MTERF4: variants seen among roughly 807,000 people sequenced by gnomAD.
MTERF4 encodes mitochondrial transcription termination factor 4.
A neutral mutation model predicts 22.5 loss-of-function variants in MTERF4; 17 were observed. The ratio of observed to expected loss-of-function variants is 0.75; its 90% CI spans 0.52 to 1.13. The LOEUF (loss-of-function observed/expected upper bound fraction) is 1.13, where lower values mean the gene tolerates loss of function less well. MTERF4 is among the 50% of genes most tolerant of loss of function. MTERF4 has a pLI of 0.00. For synonymous variants in MTERF4, 165 were observed against 175.3 expected (o/e 0.94, Z 0.47); for missense variants, 420 against 466.8 (o/e 0.90, Z 0.92).
downstream of MTERF4, among the ~76,000 whole-genome samples, chr2:241,071,095 G>A (rs2062690061): frequency 6.6e-6 from 1 of 152,214 alleles, no homozygotes; most frequent in Admixed American, 6.5e-5. Flanking sequence ...AGGGGAAGGA[G>A]GGCCCAGCCT....
chr2:241,089,482 G>A, downstream of MTERF4: 1 of 1,509,694 alleles, frequency 6.6e-7, no homozygotes, highest in Non-Finnish European at 8.9e-7. Context: ...CCCCCTTGGG[G>A]GAAAGGTCTG....
the MTERF4 span, chr2:241,053,372 TC>T: frequency 7.3e-6 from 11 of 1,505,416 alleles, no homozygotes; most frequent in Non-Finnish European, 8.9e-6. Context: ...GCCCACACCC[TC>T]CTCATCCTGG....
chr2:241,084,787 C>CT (rs1276611871), downstream of MTERF4, among the ~76,000 whole-genome samples: 11 of 152,168 alleles, frequency 7.2e-5, no homozygotes, highest in Non-Finnish European at 1.3e-4. Flanking sequence ...GAACTTAACT[C>CT]TAACATCTCC....
At chr2:241,061,327 C>A in the MTERF4 span, among the ~76,000 whole-genome samples, 5 of 152,312 alleles carry the variant, frequency 3.3e-5, no homozygotes, top group Non-Finnish European at 1.5e-5. Flanking sequence ...GAGGTACATT[C>A]AGCTGGTAAA....
At chr2:241,044,609 C>T in the MTERF4 span, among the ~76,000 whole-genome samples, 3 of 152,224 alleles carry the variant, frequency 2.0e-5, no homozygotes, top group African/African-American at 7.2e-5. Flanking sequence ...CAGAAGTGGG[C>T]ATCCACACGG....
chr2:241,043,183 A>G, the MTERF4 span, among the ~76,000 whole-genome samples: 9 of 152,244 alleles, frequency 5.9e-5, no homozygotes, highest in African/African-American at 2.2e-4. Flanking sequence ...CCACATTTCC[A>G]AGAAAAGCAT....
downstream of MTERF4, chr2:241,067,795 C>T (rs780048810): frequency 1.9e-6 from 3 of 1,612,078 alleles, no homozygotes; most frequent in South Asian, 3.3e-5. Flanking sequence ...TCGAGGTCAC[C>T]AATGTGACGG....
At chr2:241,062,789 A>G in the MTERF4 span, 1 of 1,604,678 alleles carries the variant, frequency 6.2e-7, no homozygotes, top group Middle Eastern at 1.7e-4. Context: ...CTCTCCTCTC[A>G]GAAATCGATG....
chr2:241,098,699 CAG>C (rs1157840847), intron 2 of MTERF4, among the ~76,000 whole-genome samples: 4 of 152,228 alleles, frequency 2.6e-5, no homozygotes, highest in African/African-American at 9.7e-5. Flanking sequence ...CATCACATCA[CAG>C]AGACAGAGCA....
the MTERF4 span, among the ~76,000 whole-genome samples, chr2:241,056,757 A>G: frequency 6.6e-6 from 1 of 150,790 alleles, no homozygotes; most frequent in Admixed American, 6.6e-5. Flanking sequence ...ATTTTTTTTT[A>G]TATTTAGTAG....
the MTERF4 span, among the ~76,000 whole-genome samples, chr2:241,061,868 GAAAA>G: frequency 2.0e-4 from 30 of 147,596 alleles, no homozygotes; most frequent in African/African-American, 6.0e-4. Context: ...AAAAAAAAAA[GAAAA>G]AAAGAAAACA....
intron 4 of MTERF4, among the ~76,000 whole-genome samples, chr2:241,076,015 C>T (rs146414983): frequency 3.3e-5 from 5 of 152,346 alleles, no homozygotes; most frequent in African/African-American, 1.2e-4. Flanking sequence ...TTTGATACAT[C>T]TGTGCCAATA....
chr2:241,097,487 G>C, intron 2 of MTERF4, 60 bp from the exon 3 acceptor site: 1 of 1,508,592 alleles, frequency 6.6e-7, no homozygotes, highest in Non-Finnish European at 9.0e-7. Flanking sequence ...AACTCAAGGA[G>C]CTAGCTGCAC....
rs765760735 is a variant in MTERF4 at position 241,096,097 on chromosome 2, CTCCTCATCATCGTCATCCTCA to C, written c.1026_1046del (p.Asp342_Glu348del). On this transcript the variant is annotated inframe_deletion, in exon 4 of 4. Transcript: ENST00000391980. This position sits in a 1 kb window ranked among gnomAD's most constrained non-coding sequence, Gnocchi z 5.1. ...CATCATTGTCATCCTCATCATTGTC[CTCCTCATCATCGTCATCCTCA>C]TCCTCATCCAGACTTGCCCTTTTGT... The C allele has an allele frequency of 1.2e-6, 2 of 1,611,474 alleles. No individual in the cohort carries two copies. Among genetic ancestry groups the C allele is most frequent in the African/African-American group, 2.7e-5 (2 of 74,110 alleles).
the MTERF4 span, among the ~76,000 whole-genome samples, chr2:241,046,415 G>A: frequency 2.0e-5 from 3 of 152,074 alleles, no homozygotes; most frequent in African/African-American, 7.2e-5. Context: ...CCCTTCACTG[G>A]GTGAATGGAT....
chr2:241,091,144 T>C (rs2063949047), downstream of MTERF4, among the ~76,000 whole-genome samples: 1 of 152,092 alleles, frequency 6.6e-6, no homozygotes, highest in Admixed American at 6.6e-5. This position sits in a 1 kb window ranked among gnomAD's most constrained non-coding sequence, Gnocchi z 4.1. Flanking sequence ...TACTGACTTA[T>C]AGAATACCTA....
chr2:241,089,148 T>C (rs2063747225), downstream of MTERF4: 4 of 700,604 alleles, frequency 5.7e-6, no homozygotes, highest in African/African-American at 1.8e-5. Flanking sequence ...GGATATACCA[T>C]AGAAAGCCAT....
At chr2:241,102,103 G>C in intron 1 of MTERF4, 150 bp downstream of exon 1, 1 of 1,009,992 alleles carries the variant, frequency 9.9e-7, no homozygotes, top group Non-Finnish European at 1.5e-6. Flanking sequence ...CAGAGCCACG[G>C]GTCCAGGATG....
Position 241,097,430 on chromosome 2 carries a change from G to A in MTERF4, c.521-3C>T, listed in dbSNP as rs1356052205. ...GTAAAGCACCCTCTTTAATTTCCCT[G>A]CAGAACATTCAAAAAAGGCAAGCAT... is the stretch of plus-strand genomic sequence containing the variant. On this transcript the variant is annotated splice_region_variant and splice_polypyrimidine_tract_variant and intron_variant, in intron 2 of 3. Transcript: ENST00000391980. 1 of 1,607,544 alleles carries A rather than the reference G, an allele frequency of 6.2e-7. No homozygotes were observed. Among genetic ancestry groups the A allele is most frequent in the Admixed American group, 1.7e-5 (1 of 59,280 alleles).
Sources: gnomAD v4.1 joint callset for allele counts (sites outside exome capture counted in the v4.1 genomes callset) on GRCh38, gnomAD v4.1.1 for gene constraint, Gnocchi (gnomAD v3.1) non-coding constraint, MANE v1.5 for transcripts, NCBI Gene and HGNC (gene_info 2026-07-23, HGNC 2026-07-21) for gene names.